Variants in ARHGAP26 observed in about 807,000 individuals in gnomAD.
ARHGAP26 encodes the protein Rho GTPase activating protein 26.
In ARHGAP26, 38 loss-of-function variants were observed where a neutral mutation model predicts 104.8. The observed-to-expected ratio is 0.36, with a 90% CI of 0.28 to 0.48. ARHGAP26 has a LOEUF of 0.48. Ranked by LOEUF, ARHGAP26 falls within the 20% of genes least tolerant of loss-of-function variation. The probability of loss-of-function intolerance (pLI) is 0.99; values close to 1 mark genes in which losing one functional copy is unlikely to be tolerated. For missense variants in ARHGAP26, 704 were observed against 947.9 expected (o/e 0.74, Z 3.38); for synonymous variants, 341 against 340.0 (o/e 1.00, Z -0.03).
intron 17 of ARHGAP26, among the ~76,000 whole-genome samples, chr5:143,119,285 A>G (rs1044405794): frequency 5.9e-5 from 9 of 152,242 alleles, no homozygotes; most frequent in Admixed American, 4.6e-4. Context: ...TCATAAAAAA[A>G]TAGCTTGTTG....
intron 17 of ARHGAP26, among the ~76,000 whole-genome samples, chr5:143,119,192 G>A (rs1795845177): frequency 1.3e-5 from 2 of 152,164 alleles, no homozygotes; most frequent in Non-Finnish European, 2.9e-5. Flanking sequence ...TTAGTCAGAT[G>A]TAGTGTGGAG....
rs1245059603 is a variant in ARHGAP26 at position 143,223,844 on chromosome 5, ACTG to A, written c.*1399_*1401del. ...GAAAAGAGGCTGGATCTTGTGGAAG[ACTG>A]TCTTGGATGGGGAAGTACTACCTGG... On this transcript the variant is annotated 3_prime_UTR_variant, in exon 23 of 23. Coordinates refer to ENST00000645722, the MANE Select transcript of ARHGAP26 (RefSeq NM_001135608.3). 1.3e-5 allele frequency: 3 copies of A among 232,016 alleles called. No individual in the cohort carries two copies. Among genetic ancestry groups the A allele is most frequent in the African/African-American group, 6.6e-5 (3 of 45,246 alleles). The allele number at this position is 232,016 out of a possible 1,614,324, so 14.4% of individuals were successfully genotyped here. A position where few individuals can be genotyped will look rare whatever the true frequency, so the allele number is the denominator to read the frequency against.
intron 20 of ARHGAP26, among the ~76,000 whole-genome samples, chr5:143,171,264 G>A (rs1223252821): frequency 6.6e-6 from 1 of 152,088 alleles, no homozygotes; most frequent in African/African-American, 2.4e-5. Context: ...GGTTTCAGGG[G>A]GATAAAGTGA....
intron 1 of ARHGAP26, among the ~76,000 whole-genome samples, chr5:142,797,954 C>T (rs1761325844): frequency 6.6e-6 from 1 of 152,190 alleles, no homozygotes; most frequent in South Asian, 2.1e-4. Flanking sequence ...CTGTGCTAGA[C>T]CAAGTTTCCC....
intron 18 of ARHGAP26, among the ~76,000 whole-genome samples, chr5:143,128,318 A>T (rs1294284659): frequency 5.9e-5 from 9 of 152,190 alleles, no homozygotes; most frequent in Non-Finnish European, 1.2e-4. Context: ...CAGCAAAGAG[A>T]ACAGGAAATA....
intron 1 of ARHGAP26, among the ~76,000 whole-genome samples, chr5:142,804,654 G>A (rs908017180): frequency 2.0e-5 from 3 of 152,006 alleles, no homozygotes; most frequent in Admixed American, 1.3e-4. Flanking sequence ...ACCACACCCA[G>A]CTAATTTTTG....
Position 142,833,301 on chromosome 5 carries a change from T to C in ARHGAP26, c.155-40099T>C, listed in dbSNP as rs899195141. 2.0e-5 allele frequency among the ~76,000 whole-genome samples: 3 copies of C among 151,982 alleles called. No individual in the cohort carries two copies. In the East Asian group the frequency reaches 5.8e-4, roughly 29 times the overall value. ...GTCTCAAACTCCTGGCCTCAGGTGA[T>C]CTGCCTGCCTCAGCCTCCCAAAGTG... On this transcript the variant is annotated intron_variant, in intron 1 of 22. Coordinates refer to ENST00000645722, the MANE Select transcript of ARHGAP26 (RefSeq NM_001135608.3).
rs1400069988 is a variant in ARHGAP26 at position 142,903,640 on chromosome 5, T to C, written c.803T>C (p.Met268Thr). 1.2e-6 allele frequency: 2 copies of C among 1,614,010 alleles called. No homozygotes were observed. The highest frequency in any genetic ancestry group is 1.7e-6 in the Non-Finnish European group (2 of 1,179,922). ...LEHKTISPYT[M>T]EGYLYVQEKR... Reference sequence around the variant, plus strand: ...CACAAGACCATCAGTCCCTACACCATGGAGGGATACCTCTACGTGCAGGAG... The same window carrying C: ...CACAAGACCATCAGTCCCTACACCACGGAGGGATACCTCTACGTGCAGGAG... Residue 268 changes from methionine to threonine, a missense_variant, in exon 8 of 23, where the codon ATG (methionine) becomes ACG (threonine). By Grantham distance (81) the Met-to-Thr change is moderately conservative. Around this residue, in one of 6 missense-constraint regions of ARHGAP26, gnomAD observed 287 missense variants for 438.8 expected, o/e 0.65. Coordinates refer to ENST00000645722, the MANE Select transcript of ARHGAP26 (RefSeq NM_001135608.3).
At chr5:143,083,586 C>T (rs1171711171) in intron 17 of ARHGAP26, among the ~76,000 whole-genome samples, 14 of 152,138 alleles carry the variant, frequency 9.2e-5, no homozygotes, top group Non-Finnish European at 1.8e-4. Context: ...GCAATCTCCG[C>T]CTCCTGGGTT....
At chr5:142,975,643 C>CA (rs1411248087) in intron 11 of ARHGAP26, among the ~76,000 whole-genome samples, 5 of 152,226 alleles carry the variant, frequency 3.3e-5, no homozygotes, top group South Asian at 2.1e-4. Context: ...TTGTGTGTAT[C>CA]ATCTCCCAAT....
intron 1 of ARHGAP26, among the ~76,000 whole-genome samples, chr5:142,793,010 T>C (rs988169927): frequency 8.5e-5 from 13 of 152,170 alleles, no homozygotes; most frequent in Non-Finnish European, 1.8e-4. Context: ...CAGAAACCCA[T>C]GGGTATTCCC....
chr5:142,875,468 G>A (rs1299893846), intron 3 of ARHGAP26, among the ~76,000 whole-genome samples: 1 of 151,908 alleles, frequency 6.6e-6, no homozygotes, highest in Non-Finnish European at 1.5e-5. Context: ...ACTTTTTTGG[G>A]CGTCGGATTC....
At chr5:142,955,095 T>TACAC (rs11419144) in intron 11 of ARHGAP26, among the ~76,000 whole-genome samples, 688 of 52,624 alleles carry the variant, frequency 0.013, 7 homozygotes, top group African/African-American at 0.12. Flanking sequence ...GAGACCTGTC[T>TACAC]ACACACACAC....
At chr5:142,857,531 C>T (rs567602466) in intron 1 of ARHGAP26, among the ~76,000 whole-genome samples, 2 of 152,146 alleles carry the variant, frequency 1.3e-5, no homozygotes, top group Admixed American at 6.5e-5. Context: ...AGGGTCACCT[C>T]GTCCCTCCTG....
intron 17 of ARHGAP26, among the ~76,000 whole-genome samples, chr5:143,060,211 C>T (rs1192544569): frequency 6.6e-6 from 1 of 152,210 alleles, no homozygotes; most frequent in Non-Finnish European, 1.5e-5. Context: ...CAGCTTCCTT[C>T]CTAAGTTTTG....
At chr5:143,017,803 A>C (rs1779795918) in intron 12 of ARHGAP26, among the ~76,000 whole-genome samples, 1 of 152,164 alleles carries the variant, frequency 6.6e-6, no homozygotes, top group South Asian at 2.1e-4. Context: ...ACTCCTCATC[A>C]GTACTCACAC....
At position 142,963,200 on chromosome 5, in the gene ARHGAP26, G is replaced by GTA. The variant is rs1409082862; in HGVS notation, c.1107+31076_1107+31077insAT. ...TATATATATATATATATATATATAT[G>GTA]TGTGTGTGTGTGTGTGTGTGCGCGT... On this transcript the variant is annotated intron_variant, in intron 11 of 22. Transcript: ENST00000645722. 3.2e-4 allele frequency among the ~76,000 whole-genome samples: 30 copies of GTA among 92,586 alleles called. 1 individual carries two copies. In the East Asian group the frequency reaches 8.9e-3, roughly 28 times the overall value. 60.7% of individuals were successfully genotyped at this position (92,586 alleles called of 152,430 possible).
At chr5:143,169,860 CT>C (rs1322325136) in intron 20 of ARHGAP26, 1 of 152,216 alleles carries the variant, frequency 6.6e-6, no homozygotes, top group Non-Finnish European at 1.5e-5. Flanking sequence ...GTACTGCTTT[CT>C]TTCCCCTCAA....
In ARHGAP26 at chr5:143,225,039, AGT is replaced by A. The variant is rs1254024027; in HGVS notation, c.*2594_*2595del. 8.0e-5 allele frequency: 18 copies of A among 224,556 alleles called. No homozygotes were observed. The East Asian group carries it at 1.2e-3, about 15-fold the overall frequency. The allele number at this position is 224,556 out of a possible 1,614,324, so 13.9% of individuals were successfully genotyped here. A position where few individuals can be genotyped will look rare whatever the true frequency, so the allele number is the denominator to read the frequency against. On this transcript the variant is annotated 3_prime_UTR_variant, in exon 23 of 23. Coordinates refer to ENST00000645722, the MANE Select transcript of ARHGAP26 (RefSeq NM_001135608.3). ...CTGGGGAAAACTCGAGAAGAAAGGG[AGT>A]ATACTAGTAGGTTAGATCTGTGAAC...
Sources: gnomAD v4.1 joint callset for allele counts (sites outside exome capture counted in the v4.1 genomes callset) on GRCh38, gnomAD v4.1.1 for gene constraint, gnomAD v4.1.1 regional missense constraint, MANE v1.5 for transcripts, NCBI Gene and HGNC (gene_info 2026-07-23, HGNC 2026-07-21) for gene names.